Variants in BMP5 observed in about 807,000 individuals in gnomAD.
BMP5 encodes the protein bone morphogenetic protein 5.
A neutral mutation model predicts 46.6 loss-of-function variants in BMP5; 23 were observed. The observed-to-expected ratio is 0.49, with a 90% CI of 0.35 to 0.70. The LOEUF (loss-of-function observed/expected upper bound fraction) is 0.70, where lower values mean the gene tolerates loss of function less well. Ranked by LOEUF, BMP5 falls within the 30% of genes least tolerant of loss-of-function variation. The probability of loss-of-function intolerance (pLI) is 0.00; values close to 1 mark genes in which losing one functional copy is unlikely to be tolerated. For missense variants in BMP5, 545 were observed against 565.6 expected (o/e 0.96, Z 0.37); for synonymous variants, 204 against 191.9 (o/e 1.06, Z -0.52).
intron 1 of BMP5, among the ~76,000 whole-genome samples, chr6:55,858,293 T>C (rs1213135502): frequency 6.6e-6 from 1 of 152,198 alleles, no homozygotes; most frequent in Non-Finnish European, 1.5e-5. Context: ...ATTTTCAAAA[T>C]AGAATGTTGA....
At chr6:55,761,274 T>A (rs1202806659) in intron 4 of BMP5, among the ~76,000 whole-genome samples, 2 of 152,096 alleles carry the variant, frequency 1.3e-5, no homozygotes, top group Non-Finnish European at 2.9e-5. Flanking sequence ...CATGAATTAC[T>A]GCAATATCCT....
intron 2 of BMP5, among the ~76,000 whole-genome samples, chr6:55,797,779 G>A (rs1317326968): frequency 1.3e-5 from 2 of 151,838 alleles, no homozygotes; most frequent in Non-Finnish European, 2.9e-5. Context: ...ACCACGCCCG[G>A]CTAATTTTTT....
chr6:55,861,764 G>T (rs1027036803), intron 1 of BMP5, among the ~76,000 whole-genome samples: 79 of 152,272 alleles, frequency 5.2e-4, no homozygotes, highest in African/African-American at 1.3e-3. Context: ...CCTTACTGAT[G>T]AAGTGAAAAT....
At chr6:55,814,715 C>G (rs1582087401) in intron 2 of BMP5, among the ~76,000 whole-genome samples, 1 of 152,098 alleles carries the variant, frequency 6.6e-6, no homozygotes, top group Admixed American at 6.5e-5. Context: ...GGTAATAACA[C>G]GGCACAGAAT....
intron 3 of BMP5, among the ~76,000 whole-genome samples, chr6:55,790,105 C>T (rs1327395991): frequency 6.6e-6 from 1 of 152,118 alleles, no homozygotes; most frequent in South Asian, 2.1e-4. Context: ...TAATACACAT[C>T]ACTGACTTTC....
chr6:55,859,391 G>A lies in BMP5; in HGVS notation c.490+14985C>T, dbSNP rs1010804703. ...AGCTATTGCAACACAGCACACAATA[G>A]TAAAAACTAAAAAAATTGCATGCCC... is the stretch of plus-strand genomic sequence containing the variant. On this transcript the variant is annotated intron_variant, in intron 1 of 6. Coordinates refer to ENST00000370830, the MANE Select transcript of BMP5 (RefSeq NM_021073.4). Among the ~76,000 whole-genome samples, 15 of 152,212 alleles carry A rather than the reference G, an allele frequency of 9.9e-5. No homozygotes were observed. In the South Asian group the frequency reaches 2.5e-3, roughly 25 times the overall value.
intron 2 of BMP5, among the ~76,000 whole-genome samples, chr6:55,796,566 T>C (rs1471044333): frequency 6.6e-6 from 1 of 151,974 alleles, no homozygotes; most frequent in Non-Finnish European, 1.5e-5. Flanking sequence ...TAGTTACATA[T>C]GTATATATGT....
intron 1 of BMP5, among the ~76,000 whole-genome samples, chr6:55,831,839 A>G (rs1276683141): frequency 1.3e-5 from 2 of 152,188 alleles, no homozygotes; most frequent in African/African-American, 4.8e-5. Flanking sequence ...GGAGGCGAAC[A>G]GAAGATTTTA....
At chr6:55,856,485 C>T (rs1196246290) in intron 1 of BMP5, among the ~76,000 whole-genome samples, 1 of 152,158 alleles carries the variant, frequency 6.6e-6, no homozygotes, top group Non-Finnish European at 1.5e-5. Flanking sequence ...ATTTTGCATA[C>T]CTACCAGCAA....
chr6:55,855,476 T>C (rs754755982), intron 1 of BMP5, among the ~76,000 whole-genome samples: 10 of 152,296 alleles, frequency 6.6e-5, no homozygotes, highest in Non-Finnish European at 1.3e-4. Context: ...ATATTTATAC[T>C]ATGTTATTTC....
At position 55,755,699 on chromosome 6, in the gene BMP5, GT is replaced by G; in HGVS notation, c.1216-18del. ...CAGATGAACCTGGGAAAGAAAAAAG[GT>G]TTTGTTTTATTAAGAAATAAAATAT... On this transcript the variant is annotated intron_variant, in intron 6 of 6. Coordinates refer to ENST00000370830, the MANE Select transcript of BMP5 (RefSeq NM_021073.4). The G allele has an allele frequency of 3.1e-6, 5 of 1,609,090 alleles. No homozygotes were observed. The highest frequency in any genetic ancestry group is 4.3e-6 in the Non-Finnish European group (5 of 1,176,348).
Position 55,772,980 on chromosome 6 carries a change from A to T in BMP5, c.1027+1069T>A. On this transcript the variant is annotated intron_variant, in intron 4 of 6. Transcript: ENST00000370830. The stretch of plus-strand genomic sequence containing the variant: ...TTATCTAAACACTCATGCATGTTTG[A>T]GTAATAAATAGCTGCTGTATGACCT... 5 of 926,380 alleles carry T rather than the reference A, an allele frequency of 5.4e-6. No homozygotes were observed. The South Asian group carries it at 2.0e-4, about 37-fold the overall frequency. 57.4% of individuals were successfully genotyped at this position (926,380 alleles called of 1,614,324 possible).
chr6:55,787,466 GAT>G (rs970576066), intron 3 of BMP5, among the ~76,000 whole-genome samples: 1 of 151,636 alleles, frequency 6.6e-6, no homozygotes, highest in Non-Finnish European at 1.5e-5. Context: ...CAATTCAAAA[GAT>G]GTGGCAATTT....
chr6:55,792,630 T>C (rs1016584787), intron 3 of BMP5, among the ~76,000 whole-genome samples: 3 of 151,822 alleles, frequency 2.0e-5, no homozygotes, highest in East Asian at 1.9e-4. Context: ...TCATTCCATA[T>C]ATACAATCTT....
At chr6:55,861,777 T>C (rs1777531097) in intron 1 of BMP5, among the ~76,000 whole-genome samples, 1 of 152,186 alleles carries the variant, frequency 6.6e-6, no homozygotes, top group African/African-American at 2.4e-5. Context: ...GTGAAAATAG[T>C]GCAAATTCAA....
At chr6:55,780,999 T>C (rs1382135995) in intron 3 of BMP5, among the ~76,000 whole-genome samples, 1 of 152,072 alleles carries the variant, frequency 6.6e-6, no homozygotes, top group African/African-American at 2.4e-5. Context: ...CAAATGTGTT[T>C]TACTTGGTCC....
rs1348406129 is a variant in BMP5, at chr6:55,754,187, A to C, written c.*1346T>G. Reference sequence around the variant, plus strand: ...GGTAAATAAGCCTAACCACAGAGTCACCATAAATAGCAAGTTATCAATCTA... The same window carrying C: ...GGTAAATAAGCCTAACCACAGAGTCCCCATAAATAGCAAGTTATCAATCTA... On this transcript the variant is annotated 3_prime_UTR_variant, in exon 7 of 7. Transcript: ENST00000370830. The C allele has an allele frequency of 1.3e-5, 2 of 151,970 alleles. No individual in the cohort carries two copies. Among genetic ancestry groups the C allele is most frequent in the Non-Finnish European group, 2.9e-5 (2 of 67,938 alleles). The allele number at this position is 151,970 out of a possible 1,614,324, so 9.4% of individuals were successfully genotyped here.
Position 55,774,169 on chromosome 6 carries a change from C to G in BMP5, c.907G>C (p.Ala303Pro). 1 of 1,613,106 alleles carries G rather than the reference C, an allele frequency of 6.2e-7. No homozygotes were observed. The highest frequency in any genetic ancestry group is 1.1e-5 in the South Asian group (1 of 91,062). Residue 303 changes from alanine to proline, a missense_variant, in exon 4 of 7, where the codon GCC becomes CCC. Transcript: ENST00000370830. ...AGTACCTCACTCGCCTTGAAGAAGG[C>G]CACCATGAATGGTTGTTTTGACTGA... ...GPQSKQPFMV[A>P]FFKASEVLLR...
rs375057020 is a variant in BMP5, at chr6:55,792,663, G to A, written c.832+1616C>T. On this transcript the variant is annotated intron_variant, in intron 3 of 6. Transcript: ENST00000370830. ...CTTTGCAGTCACAGCATCGGTAATGGTATTATCCATAGGCTATGAAACTGG... is the reference window on the plus strand; with the variant it reads ...CTTTGCAGTCACAGCATCGGTAATGATATTATCCATAGGCTATGAAACTGG... 4.1e-4 allele frequency among the ~76,000 whole-genome samples: 62 copies of A among 152,212 alleles called. No homozygotes were observed. The South Asian group carries it at 0.012, about 31-fold the overall frequency.
Sources: allele counts gnomAD v4.1 joint callset (sites outside exome capture counted in the v4.1 genomes callset), GRCh38; gene constraint gnomAD v4.1.1; transcripts MANE v1.5; gene names NCBI Gene and HGNC (gene_info 2026-07-23, HGNC 2026-07-21).